RSF1: variants seen among roughly 807,000 people sequenced by gnomAD.
RSF1 encodes HBV pX-associated protein 8.
RSF1 carries 13 observed loss-of-function variants against 145.2 expected under a neutral mutation model. The observed-to-expected ratio is 0.09, with a 90% CI of 0.06 to 0.14. The LOEUF (loss-of-function observed/expected upper bound fraction) is 0.14. Ranked by LOEUF, RSF1 falls within the 10% of genes least tolerant of loss-of-function variation. The probability of loss-of-function intolerance (pLI) is 1.00; values close to 1 mark genes in which losing one functional copy is unlikely to be tolerated. For missense variants in RSF1, 1,517 were observed against 1,718.2 expected (o/e 0.88, Z 2.07); for synonymous variants, 577 against 592.6 (o/e 0.97, Z 0.38).
intron 4 of RSF1, among the ~76,000 whole-genome samples, chr11:77,732,375 T>A (rs1961228568): frequency 6.6e-6 from 1 of 152,096 alleles, no homozygotes; most frequent in Non-Finnish European, 1.5e-5. Flanking sequence ...TTGTCTCAGA[T>A]GAGATGTTGG....
intron 1 of RSF1, among the ~76,000 whole-genome samples, chr11:77,818,344 CAAAG>C (rs1948801547): frequency 6.6e-6 from 1 of 152,160 alleles, no homozygotes; most frequent in Non-Finnish European, 1.5e-5. Flanking sequence ...CAACTTGGTC[CAAAG>C]AAATTACCAA....
intron 1 of RSF1, among the ~76,000 whole-genome samples, chr11:77,775,875 C>T (rs989245305): frequency 1.3e-5 from 2 of 152,196 alleles, no homozygotes; most frequent in African/African-American, 4.8e-5. Flanking sequence ...TAGGCTCAAG[C>T]AATCCTCCTA....
chr11:77,825,882 G>C, the RSF1 span, among the ~76,000 whole-genome samples: 2 of 151,910 alleles, frequency 1.3e-5, no homozygotes, highest in East Asian at 3.9e-4. Flanking sequence ...TGTAGAGATG[G>C]GGTTTCACTA....
the RSF1 span, chr11:77,869,123 C>A: frequency 2.6e-4 from 69 of 262,406 alleles, no homozygotes; most frequent in East Asian, 5.1e-3. Flanking sequence ...GCCAAAGGAA[C>A]AACTCCATAT....
chr11:77,690,177 A>AAC (rs1418231790), intron 9 of RSF1, among the ~76,000 whole-genome samples: 2 of 151,750 alleles, frequency 1.3e-5, no homozygotes, highest in Non-Finnish European at 2.9e-5. Flanking sequence ...AAAAAAAAAA[A>AAC]AAACAAAAAA....
At chr11:77,793,474 A>C (rs1029065428) in intron 1 of RSF1, among the ~76,000 whole-genome samples, 6 of 152,162 alleles carry the variant, frequency 3.9e-5, no homozygotes, top group African/African-American at 1.4e-4. Context: ...GACAGGAGAG[A>C]TCTTCCCTCA....
chr11:77,746,369 C>T (rs752761997), intron 3 of RSF1, among the ~76,000 whole-genome samples: 1 of 152,088 alleles, frequency 6.6e-6, no homozygotes, highest in Non-Finnish European at 1.5e-5. Context: ...TATCTAGCTC[C>T]AAAATAGTAA....
rs115143857 is a variant in RSF1, at chr11:77,774,395, G to A, written c.188-9706C>T. On this transcript the variant is annotated intron_variant, in intron 1 of 15. Transcript: ENST00000308488. ...GGGCAGGCAGATCACGAGGTCAGGAGTTCGAGACCAGCTAAAAAATACAAA... is the reference window on the plus strand; with the variant it reads ...GGGCAGGCAGATCACGAGGTCAGGAATTCGAGACCAGCTAAAAAATACAAA... Among the ~76,000 whole-genome samples, 1,439 of 151,962 alleles carry A rather than the reference G, an allele frequency of 9.5e-3. 22 individuals carry two copies. The highest frequency in any genetic ancestry group is 0.032 in the African/African-American group (1,314 of 41,444).
the RSF1 span, among the ~76,000 whole-genome samples, chr11:77,848,081 C>T: frequency 3.9e-5 from 6 of 152,198 alleles, no homozygotes; most frequent in Non-Finnish European, 8.8e-5. Context: ...ATACTAATCT[C>T]ATCCATAGAC....
intron 4 of RSF1, among the ~76,000 whole-genome samples, chr11:77,730,068 T>G (rs1250089134): frequency 2.6e-5 from 4 of 152,122 alleles, no homozygotes; most frequent in African/African-American, 9.7e-5. Context: ...GTTCATATAA[T>G]TCCAATATAA....
intron 1 of RSF1, chr11:77,813,660 G>T: frequency 1.8e-6 from 1 of 556,862 alleles, no homozygotes; most frequent in Admixed American, 2.2e-5. Flanking sequence ...TGTTTTTCCG[G>T]TAACCTTCAA....
chr11:77,754,052 CTT>C (rs1948091241), intron 2 of RSF1, among the ~76,000 whole-genome samples: 1 of 152,214 alleles, frequency 6.6e-6, no homozygotes, highest in East Asian at 1.9e-4. Context: ...TGACTCTGGT[CTT>C]CCCTTTAGAT....
At chr11:77,759,607 C>A (rs925494824) in intron 2 of RSF1, among the ~76,000 whole-genome samples, 8 of 152,168 alleles carry the variant, frequency 5.3e-5, no homozygotes, top group African/African-American at 1.7e-4. Flanking sequence ...TCGCTTAAAT[C>A]CAGGAGGCGG....
intron 1 of RSF1, among the ~76,000 whole-genome samples, chr11:77,765,683 T>G (rs1948218274): frequency 6.6e-6 from 1 of 152,254 alleles, no homozygotes; most frequent in South Asian, 2.1e-4. Flanking sequence ...TATTTAGGCA[T>G]GGTCTGATTG....
At position 77,793,331 on chromosome 11, in the gene RSF1, T is replaced by G. The variant is rs1405702186; in HGVS notation, c.187+27197A>C. 2.0e-5 allele frequency among the ~76,000 whole-genome samples: 3 copies of G among 151,908 alleles called. No individual in the cohort carries two copies. The East Asian group carries it at 5.8e-4, about 29-fold the overall frequency. ...CTCATCTCTACAAAAGAAAAAAATT[T>G]AAAATTAGCCAGGCGTGGTGGCCTG... On this transcript the variant is annotated intron_variant, in intron 1 of 15. Coordinates refer to ENST00000308488, the MANE Select transcript of RSF1 (RefSeq NM_016578.4).
At chr11:77,850,826 CCT>C in the RSF1 span, 12 of 151,972 alleles carry the variant, frequency 7.9e-5, no homozygotes, top group South Asian at 6.2e-4. Context: ...ACTTTGTCCC[CCT>C]GTCATTTGAC....
In RSF1 at chr11:77,764,589, A is replaced by T; in HGVS notation, c.279+9T>A. 6.8e-7 allele frequency: 1 copy of T among 1,479,934 alleles called. No homozygotes were observed. Among genetic ancestry groups the T allele is most frequent in the Non-Finnish European group, 9.4e-7 (1 of 1,061,800 alleles). 91.7% of individuals were successfully genotyped at this position (1,479,934 alleles called of 1,614,324 possible). A position where few individuals can be genotyped will look rare whatever the true frequency, so the allele number is the denominator to read the frequency against. On this transcript the variant is annotated intron_variant, in intron 2 of 15. Transcript: ENST00000308488. ...GTAATAGAGCAGGAAATTTACAAAT[A>T]CTAGTTACCTTGATCAAATATTTTT...
intron 10 of RSF1, among the ~76,000 whole-genome samples, chr11:77,684,131 T>C (rs1191100327): frequency 1.3e-5 from 2 of 152,216 alleles, no homozygotes; most frequent in African/African-American, 4.8e-5. Context: ...CAACAGAAGA[T>C]GTTCAACAGG....
chr11:77,823,619 CTCAAAAA>C (rs1565193514), upstream of RSF1, among the ~76,000 whole-genome samples: 391 of 56,652 alleles, frequency 6.9e-3, 4 homozygotes, highest in African/African-American at 0.029. Flanking sequence ...TACACCCTGT[CTCAAAAA>C]AAAAAAAAAA....
Sources: gnomAD v4.1 joint callset for allele counts (sites outside exome capture counted in the v4.1 genomes callset) on GRCh38, gnomAD v4.1.1 for gene constraint, MANE v1.5 for transcripts, NCBI Gene and HGNC (gene_info 2026-07-23, HGNC 2026-07-21) for gene names.